TFEC: variants seen among roughly 807,000 people sequenced by gnomAD.
TFEC encodes the protein transcription factor EC, also known as class E basic helix-loop-helix protein 34.
In TFEC, 31 loss-of-function variants were observed where a neutral mutation model predicts 41.6. The observed-to-expected ratio is 0.74, with a 90% CI of 0.56 to 1.01. The LOEUF (loss-of-function observed/expected upper bound fraction) is 1.01, where lower values mean the gene tolerates loss of function less well. Ranked by LOEUF, TFEC falls within the 50% of genes least tolerant of loss-of-function variation. The pLI is 0.00. For synonymous variants in TFEC, 143 were observed against 140.6 expected (o/e 1.02, Z -0.12); for missense variants, 402 against 404.1 (o/e 0.99, Z 0.04).
At chr7:116,131,469 AG>A (rs1336669790) in intron 1 of TFEC, among the ~76,000 whole-genome samples, 1 of 152,216 alleles carries the variant, frequency 6.6e-6, no homozygotes, top group Non-Finnish European at 1.5e-5. Flanking sequence ...GTTTATATCT[AG>A]AATAGATTTC....
At chr7:116,003,970 A>G (rs1794694908) in intron 1 of TFEC, among the ~76,000 whole-genome samples, 1 of 152,150 alleles carries the variant, frequency 6.6e-6, no homozygotes, top group Non-Finnish European at 1.5e-5. Context: ...AAAATTTGTG[A>G]GCTGCAATGA....
At chr7:116,048,496 T>C (rs1222247394) in intron 3 of TFEC, among the ~76,000 whole-genome samples, 1 of 152,202 alleles carries the variant, frequency 6.6e-6, no homozygotes, top group Non-Finnish European at 1.5e-5. Flanking sequence ...AGACCAAATC[T>C]ACATCTGATT....
At chr7:116,004,065 A>C (rs1794698157) in intron 1 of TFEC, among the ~76,000 whole-genome samples, 1 of 152,162 alleles carries the variant, frequency 6.6e-6, no homozygotes, top group Non-Finnish European at 1.5e-5. Context: ...CCAACTTAGG[A>C]AACAAGAAAA....
chr7:115,995,931 G>A (rs1794349536), intron 1 of TFEC, among the ~76,000 whole-genome samples: 1 of 152,204 alleles, frequency 6.6e-6, no homozygotes, highest in African/African-American at 2.4e-5. Context: ...GTGGTCAGAA[G>A]TTTAGTTCTT....
At chr7:116,153,481 C>G (rs1199319250) in intron 1 of TFEC, among the ~76,000 whole-genome samples, 1 of 152,160 alleles carries the variant, frequency 6.6e-6, no homozygotes, top group Non-Finnish European at 1.5e-5. Context: ...TCTCAAACTC[C>G]TGACCTCGTG....
chr7:115,976,922 T>C (rs1444226776), intron 2 of TFEC, among the ~76,000 whole-genome samples: 2 of 152,204 alleles, frequency 1.3e-5, no homozygotes, highest in East Asian at 3.8e-4. Flanking sequence ...TAGGTTTCCC[T>C]TATTCCAGAA....
intron 1 of TFEC, among the ~76,000 whole-genome samples, chr7:116,026,274 T>G (rs575063460): frequency 1.8e-4 from 28 of 152,346 alleles, no homozygotes; most frequent in Admixed American, 3.3e-4. Context: ...TTTGGCCCAA[T>G]GCCTTCGCCT....
At chr7:115,983,422 A>T (rs1340482110) in intron 2 of TFEC, among the ~76,000 whole-genome samples, 1 of 152,174 alleles carries the variant, frequency 6.6e-6, no homozygotes, top group African/African-American at 2.4e-5. Flanking sequence ...CAGGCTTAAT[A>T]GATGGTAAGC....
In TFEC at chr7:116,139,258, G is replaced by A. The variant is rs377263040; in HGVS notation, c.-69+20532C>T. Among the ~76,000 whole-genome samples the A allele has an allele frequency of 2.1e-4, 32 of 152,260 alleles. No homozygotes were observed. The East Asian group carries it at 2.1e-3, about 10-fold the overall frequency. On this transcript the variant is annotated intron_variant, in intron 1 of 8. Coordinates refer to the TFEC transcript ENST00000484212. ...CAAGAGAGAAAAAAAGTACAAGAGC[G>A]TTCTGATGAATTATCTCTTACTCAG...
At chr7:116,158,900 A>T (rs1242068377) in intron 1 of TFEC, among the ~76,000 whole-genome samples, 1 of 152,064 alleles carries the variant, frequency 6.6e-6, no homozygotes, top group Non-Finnish European at 1.5e-5. Context: ...ACAAAAATGT[A>T]CAAAGATTTC....
Position 116,022,041 on chromosome 7 carries a change from G to C in TFEC, c.-73+8592C>G, listed in dbSNP as rs1180610843. 2.0e-5 allele frequency among the ~76,000 whole-genome samples: 3 copies of C among 152,180 alleles called. No homozygotes were observed. The East Asian group carries it at 5.8e-4, about 29-fold the overall frequency. On this transcript the variant is annotated intron_variant, in intron 1 of 7. Coordinates refer to ENST00000265440, the MANE Select transcript of TFEC (RefSeq NM_012252.4). ...AGAGCTATGAAAGGCACAAGGGGAA[G>C]GGGTGGCCAGGAGAAAAGCACTGTG...
At chr7:116,132,351 GGCATCAGGT>G (rs1373160485) in intron 1 of TFEC, among the ~76,000 whole-genome samples, 1 of 152,100 alleles carries the variant, frequency 6.6e-6, no homozygotes, top group Non-Finnish European at 1.5e-5. Flanking sequence ...TCTTGGGTCT[GGCATCAGGT>G]AAAGTAGTTG....
At chr7:116,019,723 C>A (rs1315318235) in intron 1 of TFEC, among the ~76,000 whole-genome samples, 1 of 152,098 alleles carries the variant, frequency 6.6e-6, no homozygotes, top group Non-Finnish European at 1.5e-5. Flanking sequence ...AAATAAGACA[C>A]CCATACAGTA....
chr7:116,008,373 G>A (rs578215811), intron 1 of TFEC, among the ~76,000 whole-genome samples: 2 of 152,136 alleles, frequency 1.3e-5, no homozygotes, highest in South Asian at 4.2e-4. Flanking sequence ...ATACACACAT[G>A]CATGCACATA....
chr7:115,990,336 C>G (rs1368834738), intron 1 of TFEC, among the ~76,000 whole-genome samples: 1 of 152,122 alleles, frequency 6.6e-6, no homozygotes, highest in Non-Finnish European at 1.5e-5. Flanking sequence ...ACCAAAGGAG[C>G]GCGGCTCCTC....
At chr7:116,019,420 A>G (rs771004034) in intron 1 of TFEC, among the ~76,000 whole-genome samples, 9 of 152,216 alleles carry the variant, frequency 5.9e-5, no homozygotes, top group Non-Finnish European at 1.2e-4. Context: ...AGCATCCAAC[A>G]TGGTTTTAGT....
At chr7:116,135,818 G>A (rs1243257379) in intron 1 of TFEC, among the ~76,000 whole-genome samples, 2 of 152,174 alleles carry the variant, frequency 1.3e-5, no homozygotes, top group Middle Eastern at 3.4e-3. Flanking sequence ...TATAGATATA[G>A]TATGAGGAGA....
At chr7:116,090,446 C>T (rs779497483) in intron 3 of TFEC, among the ~76,000 whole-genome samples, 1 of 152,066 alleles carries the variant, frequency 6.6e-6, no homozygotes, top group East Asian at 1.9e-4. Context: ...TTACTTCATT[C>T]TTTCCTTGCT....
chr7:116,125,814 A>C (rs1031725891), intron 1 of TFEC, among the ~76,000 whole-genome samples: 1 of 152,220 alleles, frequency 6.6e-6, no homozygotes, highest in African/African-American at 2.4e-5. Context: ...TTGCAGCTTG[A>C]AGTGCCTTTC....
Sources: allele counts gnomAD v4.1 joint callset (sites outside exome capture counted in the v4.1 genomes callset), GRCh38; gene constraint gnomAD v4.1.1; transcripts MANE v1.5; gene names NCBI Gene and HGNC (gene_info 2026-07-23, HGNC 2026-07-21).